GLIPR2: variants seen among roughly 807,000 people sequenced by gnomAD.
GLIPR2 encodes the protein Golgi-associated plant pathogenesis-related protein 1.
A neutral mutation model predicts 20.4 loss-of-function variants in GLIPR2; 21 were observed. The observed-to-expected ratio is 1.03, with a 90% CI of 0.73 to 1.48. GLIPR2 has a LOEUF of 1.48. Among genes scored for constraint, GLIPR2 ranks in the 40% most tolerant of loss-of-function variants. GLIPR2 has a pLI of 0.00. For synonymous variants in GLIPR2, 91 were observed against 80.5 expected (o/e 1.13, Z -0.70); for missense variants, 205 against 200.1 (o/e 1.02, Z -0.15).
At chr9:36,146,929 T>C (rs1183600045) in intron 1 of GLIPR2, among the ~76,000 whole-genome samples, 1 of 152,128 alleles carries the variant, frequency 6.6e-6, no homozygotes, top group Non-Finnish European at 1.5e-5. Flanking sequence ...GCTGCACTTC[T>C]ACAGCTCCAT....
intron 4 of GLIPR2, among the ~76,000 whole-genome samples, chr9:36,152,717 T>C (rs1174828271): frequency 4.4e-5 from 5 of 113,568 alleles, no homozygotes; most frequent in Admixed American, 2.5e-4. Flanking sequence ...GCCTTTGCAC[T>C]CCAGCCTGGG....
At chr9:36,155,366 G>A (rs1448681701) in intron 4 of GLIPR2, among the ~76,000 whole-genome samples, 7 of 151,868 alleles carry the variant, frequency 4.6e-5, no homozygotes, top group Non-Finnish European at 7.4e-5. Flanking sequence ...AGGCCAAGGC[G>A]GGTGGATCAC....
intron 1 of GLIPR2, among the ~76,000 whole-genome samples, chr9:36,140,528 A>G (rs1215981241): frequency 6.6e-6 from 1 of 152,120 alleles, no homozygotes; most frequent in Non-Finnish European, 1.5e-5. Context: ...TGCCTGAGTG[A>G]CAGTAGGCAG....
intron 4 of GLIPR2, among the ~76,000 whole-genome samples, chr9:36,158,377 CT>C (rs1312333400): frequency 6.6e-6 from 1 of 152,180 alleles, no homozygotes; most frequent in African/African-American, 2.4e-5. Context: ...ATTTTTGTTT[CT>C]GTTTTTCATA....
intron 4 of GLIPR2, among the ~76,000 whole-genome samples, chr9:36,153,240 C>A (rs1363180954): frequency 6.6e-6 from 1 of 152,060 alleles, no homozygotes; most frequent in Non-Finnish European, 1.5e-5. Context: ...TGATCTGATG[C>A]TTTTTCCAGC....
intron 1 of GLIPR2, among the ~76,000 whole-genome samples, chr9:36,139,138 T>G (rs1824958599): frequency 1.3e-5 from 2 of 152,048 alleles, no homozygotes; most frequent in South Asian, 4.1e-4. Context: ...GACAACTTAT[T>G]GTGAAGCAGA....
At chr9:36,160,404 G>T (rs1485932418) in intron 4 of GLIPR2, among the ~76,000 whole-genome samples, 2 of 152,118 alleles carry the variant, frequency 1.3e-5, no homozygotes, top group East Asian at 3.9e-4. Flanking sequence ...GAGGTGGGAG[G>T]GTCTCCTGAG....
intron 4 of GLIPR2, among the ~76,000 whole-genome samples, chr9:36,161,114 T>C (rs984527070): frequency 1.3e-5 from 2 of 152,176 alleles, no homozygotes; most frequent in African/African-American, 4.8e-5. Context: ...GTCAGGAGGC[T>C]ATTGCAATGG....
At chr9:36,144,088 C>T (rs1001741783) in intron 1 of GLIPR2, among the ~76,000 whole-genome samples, 5 of 152,094 alleles carry the variant, frequency 3.3e-5, no homozygotes, top group Non-Finnish European at 7.4e-5. Flanking sequence ...GGAAGCAGCC[C>T]GTGGCCCAAG....
chr9:36,141,889 G>A (rs1397105825), intron 1 of GLIPR2: 2 of 455,336 alleles, frequency 4.4e-6, no homozygotes, highest in African/African-American at 4.0e-5. Flanking sequence ...GCCTCCAGAA[G>A]GAACTTCGAG....
At chr9:36,158,124 CTT>C (rs1825917772) in intron 4 of GLIPR2, among the ~76,000 whole-genome samples, 1 of 152,144 alleles carries the variant, frequency 6.6e-6, no homozygotes, top group South Asian at 2.1e-4. Flanking sequence ...GGCTATGTGA[CTT>C]TGGGCCAATC....
intron 1 of GLIPR2, among the ~76,000 whole-genome samples, chr9:36,137,190 T>C (rs1824862025): frequency 6.6e-6 from 1 of 151,946 alleles, no homozygotes; most frequent in African/African-American, 2.4e-5. Context: ...ATCCCCCTCA[T>C]CCATTTGTTG....
In GLIPR2 at chr9:36,154,739, A is replaced by G. The variant is rs566562011; in HGVS notation, c.304+3790A>G. The stretch of plus-strand genomic sequence containing the variant: ...ATAGCTTAATTCCCTCTGTGCAGAC[A>G]GAAACCTCCCCCGCGAGAAGAAAGA... On this transcript the variant is annotated intron_variant, in intron 4 of 4. Coordinates refer to ENST00000377960, the MANE Select transcript of GLIPR2 (RefSeq NM_022343.4). Among the ~76,000 whole-genome samples the G allele has an allele frequency of 8.5e-5, 13 of 152,358 alleles. 1 individual carries two copies. Among genetic ancestry groups the G allele is most frequent in the Admixed American group, 3.9e-4 (6 of 15,302 alleles).
In GLIPR2 at chr9:36,162,707, G is replaced by C; in HGVS notation, c.*185G>C. The C allele has an allele frequency of 3.1e-6, 2 of 647,714 alleles. No individual in the cohort carries two copies. The highest frequency in any genetic ancestry group is 1.8e-5 in the South Asian group (1 of 56,572). 40.1% of individuals were successfully genotyped at this position (647,714 alleles called of 1,614,324 possible). The stretch of plus-strand genomic sequence containing the variant: ...GTGTGCGCTCATTCTTATTACAGGA[G>C]TGAGCAAAGGAAGCATTTACCCCGA... On this transcript the variant is annotated 3_prime_UTR_variant, in exon 5 of 5. Coordinates refer to ENST00000377960, the MANE Select transcript of GLIPR2 (RefSeq NM_022343.4).
chr9:36,155,655 A>T (rs1227285158), intron 4 of GLIPR2, among the ~76,000 whole-genome samples: 2 of 152,140 alleles, frequency 1.3e-5, no homozygotes, highest in African/African-American at 4.8e-5. Flanking sequence ...ATCTACAAAC[A>T]TTTATTTCAG....
chr9:36,148,902 C>A (rs1046893427), intron 3 of GLIPR2, among the ~76,000 whole-genome samples: 2 of 152,222 alleles, frequency 1.3e-5, no homozygotes, highest in African/African-American at 4.8e-5. Context: ...CAGGCCCCCA[C>A]TTTCGGAGAA....
chr9:36,139,424 C>T (rs1301472083), intron 1 of GLIPR2, among the ~76,000 whole-genome samples: 1 of 152,118 alleles, frequency 6.6e-6, no homozygotes, highest in African/African-American at 2.4e-5. Flanking sequence ...CGAGAGCCCC[C>T]AGAATAGTAT....
chr9:36,162,399 G>A lies in GLIPR2; in HGVS notation c.342G>A (p.Lys114=). 6.2e-7 allele frequency: 1 copy of A among 1,614,048 alleles called. No homozygotes were observed. The highest frequency in any genetic ancestry group is 8.5e-7 in the Non-Finnish European group (1 of 1,179,930). Residue 114 remains lysine, a synonymous_variant, in exon 5 of 5, where the codon AAG becomes AAA. Transcript: ENST00000377960. ...CCATGGTATGGAAGAACACCAAGAAGATGGGCGTGGGGAAGGCGTCCGCAA... is the reference window on the plus strand; with the variant it reads ...CCATGGTATGGAAGAACACCAAGAAAATGGGCGTGGGGAAGGCGTCCGCAA... ...FTAMVWKNTK[K]MGVGKASASD...
chr9:36,157,051 C>T (rs1008879931), intron 4 of GLIPR2, among the ~76,000 whole-genome samples: 18 of 152,004 alleles, frequency 1.2e-4, no homozygotes, highest in Admixed American at 3.9e-4. Flanking sequence ...GAGTCTCACA[C>T]TGTTGCCCGG....
Sources: gnomAD v4.1 joint callset for allele counts (sites outside exome capture counted in the v4.1 genomes callset) on GRCh38, gnomAD v4.1.1 for gene constraint, MANE v1.5 for transcripts, NCBI Gene and HGNC (gene_info 2026-07-23, HGNC 2026-07-21) for gene names.